The following MYOM1 variants were observed in gnomAD, a reference collection of about 807,000 sequenced individuals.
MYOM1 encodes the protein myomesin 1.
In MYOM1, 164 loss-of-function variants were observed where a neutral mutation model predicts 205.3. That is an observed-to-expected ratio of 0.80 (90% CI 0.70 to 0.91). The LOEUF (loss-of-function observed/expected upper bound fraction) is 0.91, where lower values mean the gene tolerates loss of function less well. Among genes scored for constraint, MYOM1 ranks in the 40% least tolerant of loss-of-function variants. MYOM1 has a pLI of 0.00. For missense variants in MYOM1, 2,011 were observed against 2,127.3 expected (o/e 0.95, Z 1.08); for synonymous variants, 772 against 789.4 (o/e 0.98, Z 0.37).
intron 2 of MYOM1, among the ~76,000 whole-genome samples, chr18:3,202,731 C>T (rs1234845894): frequency 2.6e-5 from 4 of 152,060 alleles, no homozygotes; most frequent in East Asian, 1.9e-4. Flanking sequence ...ATATTCCACT[C>T]TCAATAACTG....
intron 22 of MYOM1, among the ~76,000 whole-genome samples, chr18:3,109,042 G>A (rs1598678394): frequency 6.6e-6 from 1 of 151,288 alleles, no homozygotes; most frequent in Admixed American, 6.6e-5. Context: ...GTGCAGTGAT[G>A]TGATCTTGGC....
chr18:3,222,709 G>A (rs921428675), upstream of MYOM1, among the ~76,000 whole-genome samples: 3 of 151,980 alleles, frequency 2.0e-5, no homozygotes, highest in Non-Finnish European at 2.9e-5. Flanking sequence ...AAATGTGTAC[G>A]TGTGCACATA....
chr18:3,165,076 T>C (rs112947568), intron 9 of MYOM1, among the ~76,000 whole-genome samples: 3 of 152,312 alleles, frequency 2.0e-5, no homozygotes, highest in Admixed American at 6.5e-5. Context: ...AAAAGTTATA[T>C]AGGCTATGAC....
At chr18:3,112,434 G>A (rs781682106) in intron 21 of MYOM1, 22 bp from the exon 22 acceptor site, 4 of 1,559,350 alleles carry the variant, frequency 2.6e-6, no homozygotes, top group Non-Finnish European at 2.6e-6. Flanking sequence ...AGGTGTAGAA[G>A]CAATGGGTGT....
intron 29 of MYOM1, among the ~76,000 whole-genome samples, chr18:3,086,705 A>G (rs1016187974): frequency 1.3e-5 from 2 of 152,176 alleles, no homozygotes; most frequent in African/African-American, 2.4e-5. Flanking sequence ...CATATCATCT[A>G]TTTCAAATGG....
intron 19 of MYOM1, among the ~76,000 whole-genome samples, chr18:3,125,523 G>A (rs111567507): frequency 0.046 from 6,914 of 151,106 alleles, 355 homozygotes; most frequent in African/African-American, 0.13. Flanking sequence ...GGAGGCTGAG[G>A]TGGGCAGATC....
chr18:3,217,853 AT>A (rs1417498618), intron 1 of MYOM1, among the ~76,000 whole-genome samples: 2 of 152,124 alleles, frequency 1.3e-5, no homozygotes, highest in Non-Finnish European at 2.9e-5. Flanking sequence ...AATAAGTAAA[AT>A]AAAGTCCTAG....
At position 3,151,688 on chromosome 18, in the gene MYOM1, G is replaced by GA; in HGVS notation, c.1843+5_1843+6insT. ...GGGAAGGTCCTGAAAAATGAAAAGT[G>GA]CTTACTTTTAAGTCTAGCTTTCTCA... On this transcript the variant is annotated splice_donor_region_variant and intron_variant, in intron 12 of 37. Coordinates refer to ENST00000356443, the MANE Select transcript of MYOM1 (RefSeq NM_003803.4). 6.2e-7 allele frequency: 1 copy of GA among 1,608,928 alleles called. No homozygotes were observed. The highest frequency in any genetic ancestry group is 8.5e-7 in the Non-Finnish European group (1 of 1,176,992).
At chr18:3,136,991 C>T (rs2079977027) in intron 14 of MYOM1, among the ~76,000 whole-genome samples, 1 of 150,992 alleles carries the variant, frequency 6.6e-6, no homozygotes, top group South Asian at 2.1e-4. Context: ...CGCTGGGTCG[C>T]CCAGGCTGGA....
intron 9 of MYOM1, among the ~76,000 whole-genome samples, chr18:3,166,084 G>A (rs1346869710): frequency 1.3e-5 from 2 of 152,042 alleles, no homozygotes; most frequent in African/African-American, 4.8e-5. Flanking sequence ...TAGTCCCACT[G>A]GACTCCATGT....
chr18:3,158,818 T>A (rs922965208), intron 10 of MYOM1, among the ~76,000 whole-genome samples: 1 of 152,032 alleles, frequency 6.6e-6, no homozygotes, highest in Non-Finnish European at 1.5e-5. Context: ...CTCACTGTGT[T>A]GCCCAGGCTG....
intron 19 of MYOM1, among the ~76,000 whole-genome samples, chr18:3,121,383 A>G (rs1051962694): frequency 6.6e-6 from 1 of 152,310 alleles, no homozygotes; most frequent in Non-Finnish European, 1.5e-5. Context: ...ACATATCAAA[A>G]GCTGTCCAAG....
At chr18:3,202,020 T>C (rs1488916090) in intron 2 of MYOM1, among the ~76,000 whole-genome samples, 1 of 152,208 alleles carries the variant, frequency 6.6e-6, no homozygotes, top group Non-Finnish European at 1.5e-5. Flanking sequence ...ACAACATTCA[T>C]AGTTGTAATA....
At chr18:3,078,033 A>G (rs893535777) in intron 34 of MYOM1, among the ~76,000 whole-genome samples, 1 of 150,242 alleles carries the variant, frequency 6.7e-6, no homozygotes, top group Admixed American at 6.7e-5. Flanking sequence ...GTTACTGCAT[A>G]TTGAGGTTGT....
intron 6 of MYOM1, among the ~76,000 whole-genome samples, chr18:3,174,509 C>T (rs1450426225): frequency 2.0e-5 from 3 of 152,042 alleles, no homozygotes; most frequent in African/African-American, 4.8e-5. Context: ...CAACCAAGTG[C>T]TAGGCACATA....
chr18:3,220,804 G>A (rs911105087), upstream of MYOM1, among the ~76,000 whole-genome samples: 3 of 152,134 alleles, frequency 2.0e-5, no homozygotes, highest in Non-Finnish European at 2.9e-5. Flanking sequence ...TTATAGGATT[G>A]CTGTGGTGAT....
At chr18:3,088,117 G>C (rs946051806) in intron 29 of MYOM1, among the ~76,000 whole-genome samples, 2 of 152,180 alleles carry the variant, frequency 1.3e-5, no homozygotes, top group Admixed American at 6.5e-5. Context: ...GACTGCCCTT[G>C]GTTGCTCAGA....
the MYOM1 span, among the ~76,000 whole-genome samples, chr18:3,240,453 G>C: frequency 2.6e-5 from 4 of 152,178 alleles, no homozygotes; most frequent in Non-Finnish European, 2.9e-5. Context: ...TTAAAAAGGA[G>C]AGTTTCCCTG....
the MYOM1 span, among the ~76,000 whole-genome samples, chr18:3,234,953 C>T: frequency 3.3e-5 from 5 of 150,616 alleles, no homozygotes; most frequent in African/African-American, 4.9e-5. Context: ...TGGGGGTTCA[C>T]GCTGGATTGC....
Sources: allele counts gnomAD v4.1 joint callset (sites outside exome capture counted in the v4.1 genomes callset), GRCh38; gene constraint gnomAD v4.1.1; transcripts MANE v1.5; gene names NCBI Gene and HGNC (gene_info 2026-07-23, HGNC 2026-07-21).